The following PARD3B variants were observed in gnomAD, a reference collection of about 807,000 sequenced individuals.
PARD3B encodes the protein partitioning defective 3 homolog B.
Under a neutral mutation model 130.2 loss-of-function variants are expected in PARD3B, and 103 were observed. The observed-to-expected ratio is 0.79, with a 90% CI of 0.67 to 0.93. PARD3B has a LOEUF of 0.93. PARD3B is among the 40% of genes least tolerant of loss of function. The probability of loss-of-function intolerance (pLI) is 0.00; values close to 1 mark genes in which losing one functional copy is unlikely to be tolerated. For missense variants in PARD3B, 1,609 were observed against 1,499.2 expected, an observed-to-expected ratio of 1.07 and a Z score of -1.21; for synonymous variants, 583 against 553.2, an observed-to-expected ratio of 1.05 and a Z score of -0.76.
intron 10 of PARD3B, among the ~76,000 whole-genome samples, chr2:205,152,190 C>CATTT (rs1469140044): frequency 6.6e-6 from 1 of 152,176 alleles, no homozygotes; most frequent in Non-Finnish European, 1.5e-5. Flanking sequence ...CTGCCCTTAA[C>CATTT]ATTTTTTCCT....
intron 15 of PARD3B, among the ~76,000 whole-genome samples, chr2:205,221,341 T>G (rs1316262974): frequency 6.6e-6 from 1 of 152,192 alleles, no homozygotes; most frequent in Non-Finnish European, 1.5e-5. Flanking sequence ...CGGCTCTCCG[T>G]AAACATTCAT....
At chr2:205,486,535 C>T (rs1037004898) in intron 20 of PARD3B, among the ~76,000 whole-genome samples, 47 of 152,140 alleles carry the variant, frequency 3.1e-4, no homozygotes, top group African/African-American at 9.4e-4. Flanking sequence ...ACGGGCTGTA[C>T]GGGAAACATG....
Position 204,546,065 on chromosome 2 carries a change from C to A in PARD3B, c.66C>A (p.Arg22=). The A allele has an allele frequency of 1.3e-6, 2 of 1,561,112 alleles. No individual in the cohort carries two copies. The highest frequency in any genetic ancestry group is 1.7e-6 in the Non-Finnish European group (2 of 1,152,164). Residue 22 remains arginine, a synonymous_variant, in exon 1 of 23, where the codon CGC becomes CGA. Transcript: ENST00000406610. ...TGCCCTGCAAGGAGGGCCAGCTGCG[C>A]GTCGGCGAGCTCACCCAGCAGGCGC... The part of the protein sequence containing the change: ...IVVPCKEGQL[R]VGELTQQALQ...
chr2:205,112,915 G>A (rs1316055027), intron 5 of PARD3B, among the ~76,000 whole-genome samples: 4 of 152,162 alleles, frequency 2.6e-5, no homozygotes, highest in Admixed American at 1.3e-4. Context: ...CTGTTGAATA[G>A]AACTGATGCC....
Position 205,292,068 on chromosome 2 carries a change from T to G in PARD3B, c.2186-8462T>G, listed in dbSNP as rs528246176. ...GCAGCCAAACACCACTGGGTTCTAT[T>G]CCTTGTGCTGTAGTGTCAAATTGCT... is the stretch of plus-strand genomic sequence containing the variant. On this transcript the variant is annotated intron_variant, in intron 16 of 22. Transcript: ENST00000406610. This position sits in a 1 kb window ranked among gnomAD's most constrained non-coding sequence, Gnocchi z 5.3. Among the ~76,000 whole-genome samples the G allele has an allele frequency of 6.6e-6, 1 of 152,228 alleles. No homozygotes were observed. The highest frequency in any genetic ancestry group is 2.1e-4 in the South Asian group (1 of 4,824).
chr2:204,554,662 A>G (rs967195601), intron 1 of PARD3B, among the ~76,000 whole-genome samples: 1 of 151,794 alleles, frequency 6.6e-6, no homozygotes, highest in Non-Finnish European at 1.5e-5. Context: ...CGAGACTCCC[A>G]CATTACTGTC....
chr2:204,678,492 G>A lies in PARD3B; in HGVS notation c.121-7689G>A, dbSNP rs182298827. 6.6e-6 allele frequency among the ~76,000 whole-genome samples: 1 copy of A among 152,220 alleles called. No homozygotes were observed. The highest frequency in any genetic ancestry group is 1.9e-4 in the East Asian group (1 of 5,158). The stretch of plus-strand genomic sequence containing the variant: ...TGCAGAGGTTTTATTGACTGATGGA[G>A]GTGGCTGTCAGTGGAAAAGGAGCTA... On this transcript the variant is annotated intron_variant, in intron 1 of 22. Transcript: ENST00000406610. The surrounding 1 kb of genome is among the most constrained non-coding windows in gnomAD (Gnocchi z 4.2).
intron 2 of PARD3B, among the ~76,000 whole-genome samples, chr2:204,695,438 G>A (rs77043075): frequency 6.6e-6 from 1 of 151,954 alleles, no homozygotes; most frequent in Non-Finnish European, 1.5e-5. Flanking sequence ...GATTCAGATC[G>A]TGCTCCACTA....
intron 4 of PARD3B, among the ~76,000 whole-genome samples, chr2:205,058,401 C>A (rs373126425): frequency 6.6e-6 from 1 of 151,836 alleles, no homozygotes; most frequent in Admixed American, 6.6e-5. Context: ...ACTGTGGATA[C>A]GGGTGTAAAA....
rs1401190076 is a variant in PARD3B, at chr2:205,052,436, TATATATATATATATAA to T, written c.504+4748_504+4763del. On this transcript the variant is annotated intron_variant, in intron 4 of 22. Transcript: ENST00000406610. ...ATATATATGTATATATATATATATATATATATATATATATAAAATTAAAAAAATAAGCTGGCAGATT... is the reference window on the plus strand; with the variant it reads ...ATATATATGTATATATATATATATATAATTAAAAAAATAAGCTGGCAGATT... 4.9e-3 allele frequency among the ~76,000 whole-genome samples: 154 copies of T among 31,562 alleles called. 2 individuals carry two copies. The highest frequency in any genetic ancestry group is 0.011 in the South Asian group (10 of 898). 20.7% of individuals were successfully genotyped at this position (31,562 alleles called of 152,430 possible).
intron 2 of PARD3B, among the ~76,000 whole-genome samples, chr2:204,766,601 C>A (rs1005790975): frequency 3.3e-5 from 5 of 151,952 alleles, no homozygotes; most frequent in East Asian, 1.9e-4. Flanking sequence ...CTTGACAAAT[C>A]TAAGACAGAA....
intron 1 of PARD3B, among the ~76,000 whole-genome samples, chr2:204,571,939 A>C (rs972841747): frequency 2.0e-5 from 3 of 152,232 alleles, no homozygotes; most frequent in Non-Finnish European, 4.4e-5. Flanking sequence ...AAGGTCAATC[A>C]CAGTGAACTG....
chr2:205,615,420 G>A (rs367983058), intron 22 of PARD3B, 36 bp from the exon 23 acceptor site: 2 of 1,530,090 alleles, frequency 1.3e-6, no homozygotes, highest in Non-Finnish European at 1.8e-6. Flanking sequence ...GGCCAGCTTA[G>A]GAGCTGCTAA....
chr2:205,211,094 C>T lies in PARD3B; in HGVS notation c.2140+17774C>T, dbSNP rs181032044. Among the ~76,000 whole-genome samples, 14 of 152,132 alleles carry T rather than the reference C, an allele frequency of 9.2e-5. No homozygotes were observed. In the South Asian group the frequency reaches 1.7e-3, roughly 18 times the overall value. On this transcript the variant is annotated intron_variant, in intron 15 of 22. Coordinates refer to ENST00000406610, the MANE Select transcript of PARD3B (RefSeq NM_001302769.2). ...GAATTCAGATTTATTTATGATAAAACTGCTTAATCTGGGTCAAGTCAATTA... is the reference window on the plus strand; with the variant it reads ...GAATTCAGATTTATTTATGATAAAATTGCTTAATCTGGGTCAAGTCAATTA...
At chr2:205,509,084 T>G (rs144851388) in intron 21 of PARD3B, among the ~76,000 whole-genome samples, 419 of 152,180 alleles carry the variant, frequency 2.8e-3, no homozygotes, top group Middle Eastern at 6.8e-3. Flanking sequence ...GTGAGTGAAT[T>G]TCTAGCCTTT....
chr2:204,764,391 C>G (rs758880984), intron 2 of PARD3B, among the ~76,000 whole-genome samples: 8 of 152,068 alleles, frequency 5.3e-5, no homozygotes, highest in Non-Finnish European at 8.8e-5. Context: ...CCTTTCTTAT[C>G]TATGTGGCAG....
rs1283107689 is a variant in PARD3B, at chr2:205,125,342, G to A, written c.1306-267G>A. Among the ~76,000 whole-genome samples, 1 of 152,092 alleles carries A rather than the reference G, an allele frequency of 6.6e-6. No individual in the cohort carries two copies. The highest frequency in any genetic ancestry group is 1.5e-5 in the Non-Finnish European group (1 of 68,022). On this transcript the variant is annotated intron_variant, in intron 9 of 22. Coordinates refer to ENST00000406610, the MANE Select transcript of PARD3B (RefSeq NM_001302769.2). This position sits in a 1 kb window ranked among gnomAD's most constrained non-coding sequence, Gnocchi z 4.0. ...CTACCTTAAGCGGAATCATTTTCTG[G>A]TATCTGTCAGTCCAGTTTCCCCCAC... is the stretch of plus-strand genomic sequence containing the variant.
chr2:205,061,486 G>T (rs1301640910), intron 4 of PARD3B, among the ~76,000 whole-genome samples: 1 of 152,122 alleles, frequency 6.6e-6, no homozygotes, highest in Non-Finnish European at 1.5e-5. Flanking sequence ...GGATTGTCTT[G>T]AGAAATTGAT....
At chr2:204,883,270 T>C (rs2046121437) in intron 2 of PARD3B, among the ~76,000 whole-genome samples, 1 of 151,262 alleles carries the variant, frequency 6.6e-6, no homozygotes, top group African/African-American at 2.4e-5. Context: ...GTCATTGTGT[T>C]AATATTTTAT....
Sources: allele counts gnomAD v4.1 joint callset (sites outside exome capture counted in the v4.1 genomes callset), GRCh38; gene constraint gnomAD v4.1.1; non-coding constraint Gnocchi (gnomAD v3.1); transcripts MANE v1.5; gene names NCBI Gene and HGNC (gene_info 2026-07-23, HGNC 2026-07-21).